Variants in RAG1 observed in about 807,000 individuals in gnomAD.
RAG1 encodes the protein V(D)J recombination-activating protein 1.
RAG1 carries 35 observed loss-of-function variants against 62.7 expected under a neutral mutation model. That is an observed-to-expected ratio of 0.56 (90% confidence interval 0.43 to 0.74). The LOEUF (loss-of-function observed/expected upper bound fraction) is 0.74, where lower values mean the gene tolerates loss of function less well. Ranked by LOEUF, RAG1 falls within the 30% of genes least tolerant of loss-of-function variation. RAG1 has a pLI of 0.00. For missense variants in RAG1, 1,169 were observed against 1,278.6 expected (o/e 0.91, Z 1.31); for synonymous variants, 461 against 470.3 (o/e 0.98, Z 0.26).
At chr11:36,551,439 G>A (rs1047712845) in intron 3 of RAG1, among the ~76,000 whole-genome samples, 1 of 152,000 alleles carries the variant, frequency 6.6e-6, no homozygotes, top group African/African-American at 2.4e-5. Flanking sequence ...AGTGGAATTG[G>A]TTTCTCTGAG....
rs149874922 is a variant in RAG1 at position 36,529,725 on chromosome 11, G to T, written n.429-6234G>T. 3.4e-3 allele frequency among the ~76,000 whole-genome samples: 521 copies of T among 152,174 alleles called. 1 individual carries two copies. The highest frequency in any genetic ancestry group is 0.011 in the African/African-American group (466 of 41,540). Reference sequence around the variant, plus strand: ...AATTGTCTCTGTTTGCACATGACATGATTGTATATTTAAGAATTTTTTATC... The same window carrying T: ...AATTGTCTCTGTTTGCACATGACATTATTGTATATTTAAGAATTTTTTATC... On this transcript the variant is annotated intron_variant and non_coding_transcript_variant, in intron 2 of 2. Transcript: ENST00000529126.
At chr11:36,517,524 AGT>A (rs372561603) in intron 1 of RAG1, among the ~76,000 whole-genome samples, 5 of 151,882 alleles carry the variant, frequency 3.3e-5, no homozygotes, top group Non-Finnish European at 4.4e-5. Flanking sequence ...GGTTTGTGTA[AGT>A]GTGTGTGTGT....
chr11:36,524,489 A>ATT (rs199510458), intron 2 of RAG1, among the ~76,000 whole-genome samples: 9 of 137,022 alleles, frequency 6.6e-5, no homozygotes, highest in African/African-American at 1.3e-4. Flanking sequence ...GGTGTGTGCT[A>ATT]TTTTTTTTTT....
intron 1 of RAG1, among the ~76,000 whole-genome samples, chr11:36,518,397 A>G (rs1193689665): frequency 6.6e-6 from 1 of 152,268 alleles, no homozygotes; most frequent in Non-Finnish European, 1.5e-5. Flanking sequence ...CTAGTTCTAG[A>G]TCCCTGAGGA....
In RAG1 at chr11:36,577,773, C is replaced by G. The variant is rs1362676508; in HGVS notation, c.*1337C>G. 1 of 167,104 alleles carries G rather than the reference C, an allele frequency of 6.0e-6. No individual in the cohort carries two copies. Among genetic ancestry groups the G allele is most frequent in the Non-Finnish European group, 1.5e-5 (1 of 68,128 alleles). The allele number at this position is 167,104 out of a possible 1,614,324, so 10.4% of individuals were successfully genotyped here. ...TCCTTTTGTCTCCAAAGCCCTTCTT[C>G]TTTCCACCACAAATTAATCACTATG... On this transcript the variant is annotated 3_prime_UTR_variant, in exon 2 of 2. Coordinates refer to ENST00000299440, the MANE Select transcript of RAG1 (RefSeq NM_000448.3).
chr11:36,527,562 T>C (rs1174588654), intron 2 of RAG1, among the ~76,000 whole-genome samples: 2 of 152,206 alleles, frequency 1.3e-5, no homozygotes. Flanking sequence ...CTATTGGCTA[T>C]GCGGGCTCTT....
chr11:36,577,066 A>T lies in RAG1; in HGVS notation c.*630A>T. On this transcript the variant is annotated 3_prime_UTR_variant, in exon 2 of 2. Coordinates refer to ENST00000299440, the MANE Select transcript of RAG1 (RefSeq NM_000448.3). ...ACATCAGGACAACTTTGAGAAAATC[A>T]GTCCTTTTTTATGTTTAAATTATGT... The T allele has an allele frequency of 1.2e-5, 2 of 167,924 alleles. No individual in the cohort carries two copies. 10.4% of individuals were successfully genotyped at this position (167,924 alleles called of 1,614,324 possible).
intron 1 of RAG1, chr11:36,519,992 A>G (rs566934375): frequency 2.0e-5 from 3 of 152,322 alleles, no homozygotes; most frequent in Admixed American, 1.3e-4. Context: ...TTGACTACCA[A>G]TTTAAAAATT....
At chr11:36,518,226 A>C (rs1564974177) in intron 1 of RAG1, among the ~76,000 whole-genome samples, 1 of 151,926 alleles carries the variant, frequency 6.6e-6, no homozygotes, top group Non-Finnish European at 1.5e-5. Flanking sequence ...ACATTTTCTT[A>C]ATCTAGTCTA....
At chr11:36,533,127 G>A (rs533029056) in intron 2 of RAG1, among the ~76,000 whole-genome samples, 91 of 152,188 alleles carry the variant, frequency 6.0e-4, no homozygotes, top group African/African-American at 2.1e-3. Context: ...CAACAACCTC[G>A]GTTCTGTTCT....
rs903776313 is a variant in RAG1, at chr11:36,577,470, A to G, written c.*1034A>G. On this transcript the variant is annotated 3_prime_UTR_variant, in exon 2 of 2. Coordinates refer to ENST00000299440, the MANE Select transcript of RAG1 (RefSeq NM_000448.3). ...TCCTCTGCAATGTGTTATTCTTTCT[A>G]TAATGATCAGTTTACTTTCAGTGGA... 1.8e-5 allele frequency: 3 copies of G among 167,042 alleles called. No individual in the cohort carries two copies. Among genetic ancestry groups the G allele is most frequent in the African/African-American group, 7.2e-5 (3 of 41,446 alleles). The allele number at this position is 167,042 out of a possible 1,614,324, so 10.3% of individuals were successfully genotyped here. A position where few individuals can be genotyped will look rare whatever the true frequency, so the allele number is the denominator to read the frequency against.
chr11:36,547,683 T>G (rs1009037315), intron 3 of RAG1, among the ~76,000 whole-genome samples: 2 of 152,166 alleles, frequency 1.3e-5, no homozygotes, highest in African/African-American at 4.8e-5. Context: ...CACAGCCAAA[T>G]TCTACCAGAG....
chr11:36,547,104 G>A (rs1007341467), intron 3 of RAG1, among the ~76,000 whole-genome samples: 1 of 152,048 alleles, frequency 6.6e-6, no homozygotes, highest in African/African-American at 2.4e-5. Context: ...ATGTTGGCCT[G>A]TCATGCTAGG....
chr11:36,531,598 C>T lies in RAG1; in HGVS notation n.429-4361C>T, dbSNP rs747971467. On this transcript the variant is annotated intron_variant and non_coding_transcript_variant, in intron 2 of 2. Coordinates refer to the RAG1 transcript ENST00000529126. ...ACTAATTTGAGCGTAATGTAGAAAA[C>T]GTAACTCCTTTACATTTCACCATCA... Among the ~76,000 whole-genome samples, 35 of 151,858 alleles carry T rather than the reference C, an allele frequency of 2.3e-4. 1 individual carries two copies. The highest frequency in any genetic ancestry group is 1.8e-3 in the Admixed American group (28 of 15,214).
At chr11:36,531,491 G>A (rs1381266811) in intron 2 of RAG1, among the ~76,000 whole-genome samples, 1 of 151,170 alleles carries the variant, frequency 6.6e-6, no homozygotes, top group African/African-American at 2.4e-5. Context: ...GATTTTTAAC[G>A]TTTTTGCTCT....
chr11:36,565,051 G>A (rs978870450), upstream of RAG1, among the ~76,000 whole-genome samples: 10 of 152,158 alleles, frequency 6.6e-5, no homozygotes, highest in East Asian at 1.5e-3. Flanking sequence ...AAACACATGC[G>A]TTGGGGCAAG....
At position 36,576,547 on chromosome 11, in the gene RAG1, A is replaced by G. The variant is rs1850855743; in HGVS notation, c.*111A>G. ...TGTGTATGGGGCTTCACCATCCAAG[A>G]GGTGGTAGGTTGGAGTAAGATGCTA... On this transcript the variant is annotated 3_prime_UTR_variant, in exon 2 of 2. Transcript: ENST00000299440. 1 of 1,329,850 alleles carries G rather than the reference A, an allele frequency of 7.5e-7. No homozygotes were observed. The highest frequency in any genetic ancestry group is 1.1e-6 in the Non-Finnish European group (1 of 932,344). 82.4% of individuals were successfully genotyped at this position (1,329,850 alleles called of 1,614,324 possible).
chr11:36,576,622 CT>C lies in RAG1; in HGVS notation c.*190del. Reference sequence around the variant, plus strand: ...AAACTGATGAGCTGATTGCTTGAGGCTTTTAGTGAGTTCCGAAAAGCAACAG... The same window carrying C: ...AAACTGATGAGCTGATTGCTTGAGGCTTTAGTGAGTTCCGAAAAGCAACAG... On this transcript the variant is annotated 3_prime_UTR_variant, in exon 2 of 2. Coordinates refer to ENST00000299440, the MANE Select transcript of RAG1 (RefSeq NM_000448.3). 1.4e-6 allele frequency: 1 copy of C among 702,248 alleles called. No individual in the cohort carries two copies. The highest frequency in any genetic ancestry group is 2.4e-6 in the Non-Finnish European group (1 of 415,136). The allele number at this position is 702,248 out of a possible 1,614,324, so 43.5% of individuals were successfully genotyped here.
chr11:36,569,910 C>G (rs1215614299), intron 1 of RAG1, among the ~76,000 whole-genome samples: 2 of 152,122 alleles, frequency 1.3e-5, no homozygotes, highest in Non-Finnish European at 2.9e-5. Flanking sequence ...TCATTCTATT[C>G]TCTGCTTTTT....
Sources: allele counts gnomAD v4.1 joint callset (sites outside exome capture counted in the v4.1 genomes callset), GRCh38; gene constraint gnomAD v4.1.1; transcripts MANE v1.5; gene names NCBI Gene and HGNC (gene_info 2026-07-23, HGNC 2026-07-21).